Variants in CACNA2D3 observed in about 807,000 individuals in gnomAD.
The protein encoded by CACNA2D3 is voltage-dependent calcium channel subunit alpha-2/delta-3.
Under a neutral mutation model 160.6 loss-of-function variants are expected in CACNA2D3, and 60 were observed. The ratio of observed to expected loss-of-function variants is 0.37; its 90% CI spans 0.30 to 0.46. The LOEUF (loss-of-function observed/expected upper bound fraction) is 0.46, where lower values mean the gene tolerates loss of function less well. CACNA2D3 is among the 20% of genes least tolerant of loss of function. The pLI is 1.00. For synonymous variants in CACNA2D3, 558 were observed against 492.9 expected (o/e 1.13, Z -1.75); for missense variants, 1,205 against 1,365.0 (o/e 0.88, Z 1.85).
Position 54,613,155 on chromosome 3 carries a change from A to T in CACNA2D3, c.964-14632A>T, listed in dbSNP as rs564941582. On this transcript the variant is annotated intron_variant, in intron 9 of 37. Transcript: ENST00000474759. ...TCTTACAGTGTACATTATGTTTATTAATTTGCATTTTTACCTGCCAGGTAG... is the reference window on the plus strand; with the variant it reads ...TCTTACAGTGTACATTATGTTTATTTATTTGCATTTTTACCTGCCAGGTAG... Among the ~76,000 whole-genome samples the T allele has an allele frequency of 2.0e-5, 3 of 152,302 alleles. No individual in the cohort carries two copies. The East Asian group carries it at 5.8e-4, about 29-fold the overall frequency.
At chr3:54,890,718 T>G (rs1700044706) in intron 24 of CACNA2D3, among the ~76,000 whole-genome samples, 1 of 152,198 alleles carries the variant, frequency 6.6e-6, no homozygotes, top group Admixed American at 6.5e-5. Context: ...ATGTGTAGCC[T>G]CCTACAGAGC....
chr3:54,136,272 G>A (rs192546003), intron 2 of CACNA2D3, among the ~76,000 whole-genome samples: 9 of 152,308 alleles, frequency 5.9e-5, no homozygotes, highest in Admixed American at 5.2e-4. Flanking sequence ...AGAACAATTA[G>A]TCAATCGTTT....
At chr3:54,759,354 G>C (rs72874214) in intron 12 of CACNA2D3, among the ~76,000 whole-genome samples, 3,252 of 152,100 alleles carry the variant, frequency 0.021, 154 homozygotes, top group African/African-American at 0.075. Context: ...AGGGAAAGTG[G>C]CCAGCTGAGA....
intron 2 of CACNA2D3, among the ~76,000 whole-genome samples, chr3:54,300,963 G>A (rs55740446): frequency 0.083 from 12,658 of 151,832 alleles, 742 homozygotes; most frequent in South Asian, 0.13. Context: ...TGAGGTTGCA[G>A]TGAGCTGTTA....
intron 4 of CACNA2D3, among the ~76,000 whole-genome samples, chr3:54,392,267 A>C (rs2106676210): frequency 6.6e-6 from 1 of 151,484 alleles, no homozygotes; most frequent in African/African-American, 2.4e-5. Context: ...CCTCTTACAT[A>C]CTCTTTCTTT....
At chr3:54,775,952 C>G (rs1302137504) in intron 13 of CACNA2D3, among the ~76,000 whole-genome samples, 2 of 152,074 alleles carry the variant, frequency 1.3e-5, no homozygotes, top group East Asian at 3.9e-4. Flanking sequence ...CTTGTCCCTC[C>G]TACTTGCCAT....
rs185080730 is a variant in CACNA2D3, at chr3:54,753,937, A to G, written c.1246+1260A>G. Among the ~76,000 whole-genome samples, 40 of 152,340 alleles carry G rather than the reference A, an allele frequency of 2.6e-4. No individual in the cohort carries two copies. The East Asian group carries it at 7.1e-3, about 27-fold the overall frequency. On this transcript the variant is annotated intron_variant, in intron 12 of 37. Coordinates refer to ENST00000474759, the MANE Select transcript of CACNA2D3 (RefSeq NM_018398.3). ...AGTATATAACACATTGTTATTAACT[A>G]TAGTCACCATGTTATACTATATATC... is the stretch of plus-strand genomic sequence containing the variant.
In CACNA2D3 at chr3:54,887,945, G is replaced by T. The variant is rs1311562315; in HGVS notation, c.2057-14G>T. 2 of 1,609,440 alleles carry T rather than the reference G, an allele frequency of 1.2e-6. No individual in the cohort carries two copies. Among genetic ancestry groups the T allele is most frequent in the Non-Finnish European group, 1.7e-6 (2 of 1,175,900 alleles). ...GCCCTGCTGAAGCATCCTCTTGTCTGTCCCTCCCAACAGGTGATAAAGAAT... is the reference window on the plus strand; with the variant it reads ...GCCCTGCTGAAGCATCCTCTTGTCTTTCCCTCCCAACAGGTGATAAAGAAT... On this transcript the variant is annotated splice_polypyrimidine_tract_variant and intron_variant, in intron 23 of 37. Transcript: ENST00000474759.
intron 17 of CACNA2D3, among the ~76,000 whole-genome samples, chr3:54,862,895 A>G (rs1237427331): frequency 6.6e-6 from 1 of 152,212 alleles, no homozygotes; most frequent in Non-Finnish European, 1.5e-5. Context: ...CAAAACTAGA[A>G]TCAATTAGTT....
chr3:55,043,637 T>C (rs2107194385), intron 35 of CACNA2D3, among the ~76,000 whole-genome samples: 1 of 152,318 alleles, frequency 6.6e-6, no homozygotes, highest in East Asian at 1.9e-4. Context: ...AGAAAGTATT[T>C]TATTTCATTG....
intron 5 of CACNA2D3, among the ~76,000 whole-genome samples, chr3:54,556,980 G>GT (rs148098681): frequency 0.049 from 7,427 of 150,984 alleles, 244 homozygotes; most frequent in East Asian, 0.099. Flanking sequence ...ATATTTAACT[G>GT]TTTTTTTTTA....
intron 11 of CACNA2D3, among the ~76,000 whole-genome samples, chr3:54,739,749 ATATGTGTGTGTGTGTG>A (rs1029999175): frequency 3.7e-5 from 3 of 80,726 alleles, no homozygotes; most frequent in Non-Finnish European, 6.8e-5. Context: ...TTCTCCTCAT[ATATGTGTGTGTGTGTG>A]TGTGTGTGTG....
chr3:54,879,516 C>T, intron 20 of CACNA2D3, 105 bp downstream of exon 20: 1 of 838,864 alleles, frequency 1.2e-6, no homozygotes, highest in East Asian at 2.6e-5. Flanking sequence ...TAACCAAACA[C>T]CCTGCCAAAA....
intron 9 of CACNA2D3, among the ~76,000 whole-genome samples, chr3:54,609,985 G>A (rs1165153300): frequency 6.6e-6 from 1 of 152,136 alleles, no homozygotes; most frequent in East Asian, 1.9e-4. Context: ...TCGGAAGCCT[G>A]CAAGGGAGAT....
chr3:54,937,501 C>T (rs1186460494), intron 27 of CACNA2D3, among the ~76,000 whole-genome samples: 1 of 152,146 alleles, frequency 6.6e-6, no homozygotes, highest in Non-Finnish European at 1.5e-5. Flanking sequence ...TATGTATTTT[C>T]CAATCTGTGT....
intron 35 of CACNA2D3, among the ~76,000 whole-genome samples, chr3:55,020,825 C>T (rs374686476): frequency 9.3e-5 from 14 of 150,658 alleles, no homozygotes; most frequent in Middle Eastern, 3.4e-3. Context: ...CACTCCAGCC[C>T]GGCAACAGAG....
At chr3:54,600,267 A>G (rs979743457) in intron 9 of CACNA2D3, among the ~76,000 whole-genome samples, 1 of 152,314 alleles carries the variant, frequency 6.6e-6, no homozygotes, top group Admixed American at 6.5e-5. Flanking sequence ...ACTCTGGGTC[A>G]TGTTGCTAAT....
chr3:55,009,568 T>C lies in CACNA2D3; in HGVS notation c.2875+125T>C, dbSNP rs970961600. 4.0e-5 allele frequency: 36 copies of C among 894,296 alleles called. No individual in the cohort carries two copies. In the African/African-American group the frequency reaches 5.4e-4, roughly 14 times the overall value. The allele number at this position is 894,296 out of a possible 1,614,324, so 55.4% of individuals were successfully genotyped here. ...CAGGACAAAGTGATGATTTTTCAGC[T>C]CTGTCAGCAAAAAGCCAGCCTTTGT... On this transcript the variant is annotated intron_variant, in intron 34 of 37. Transcript: ENST00000474759.
At chr3:54,879,440 C>G (rs1236049211) in intron 20 of CACNA2D3, 29 bp downstream of exon 20, 1 of 1,446,452 alleles carries the variant, frequency 6.9e-7, no homozygotes, top group Non-Finnish European at 9.6e-7. Flanking sequence ...CATGGACATT[C>G]CATCAGACCC....
Sources: gnomAD v4.1 joint callset for allele counts (sites outside exome capture counted in the v4.1 genomes callset) on GRCh38, gnomAD v4.1.1 for gene constraint, MANE v1.5 for transcripts, NCBI Gene and HGNC (gene_info 2026-07-23, HGNC 2026-07-21) for gene names.